The following NBPF3 variants were observed in gnomAD, a reference collection of about 807,000 sequenced individuals.
NBPF3 encodes NBPF member 3, also known as NBPF family member NBPF3.
NBPF3 carries 57 observed loss-of-function variants against 78.1 expected under a neutral mutation model. The ratio of observed to expected loss-of-function variants is 0.73; its 90% CI spans 0.59 to 0.91. The LOEUF (loss-of-function observed/expected upper bound fraction) is 0.91. Ranked by LOEUF, NBPF3 falls within the 40% of genes least tolerant of loss-of-function variation. The probability of loss-of-function intolerance (pLI) is 0.00; values close to 1 mark genes in which losing one functional copy is unlikely to be tolerated. For synonymous variants in NBPF3, 182 were observed against 271.7 expected (o/e 0.67, Z 3.25); for missense variants, 510 against 715.3 (o/e 0.71, Z 3.27).
chr1:21,479,450 T>C (rs1330498443), intron 10 of NBPF3, 50 bp downstream of exon 10: 32 of 1,530,958 alleles, frequency 2.1e-5, no homozygotes, highest in Non-Finnish European at 2.8e-5. Context: ...CACCTGGAGA[T>C]GCCAAGTCCG....
chr1:21,473,649 A>G, intron 7 of NBPF3, 64 bp downstream of exon 7: 1 of 1,356,526 alleles, frequency 7.4e-7, no homozygotes, highest in Non-Finnish European at 1.1e-6. Context: ...CTCTGAAGAC[A>G]GGCTCTATAC....
chr1:21,473,816 A>C (rs1202503636), intron 7 of NBPF3, among the ~76,000 whole-genome samples: 1 of 152,190 alleles, frequency 6.6e-6, no homozygotes, highest in African/African-American at 2.4e-5. Flanking sequence ...TAGTCACCTG[A>C]GTGCAGGAGG....
Position 21,484,703 on chromosome 1 carries a change from G to A in NBPF3, c.*1317G>A, listed in dbSNP as rs1065220. On this transcript the variant is annotated 3_prime_UTR_variant, in exon 15 of 15. Transcript: ENST00000318249. ...GTATTCCAGTGATCATCCTCTAAAC[G>A]TTTTATCATTTATTAATCATCCCTG... 3.2e-3 allele frequency: 205 copies of A among 63,854 alleles called. 36 individuals carry two copies. Among genetic ancestry groups the A allele is most frequent in the African/African-American group, 7.5e-3 (184 of 24,456 alleles). The allele number at this position is 63,854 out of a possible 1,614,324, so 4.0% of individuals were successfully genotyped here. A position where few individuals can be genotyped will look rare whatever the true frequency, so the allele number is the denominator to read the frequency against.
At chr1:21,455,466 C>A (rs1460811179) in intron 2 of NBPF3, among the ~76,000 whole-genome samples, 6 of 152,200 alleles carry the variant, frequency 3.9e-5, no homozygotes. Flanking sequence ...TAGAATAAAT[C>A]ATATCAGACT....
At chr1:21,453,954 C>T (rs1641454838) in intron 2 of NBPF3, 1 of 152,246 alleles carries the variant, frequency 6.6e-6, no homozygotes, top group African/African-American at 2.4e-5. Flanking sequence ...GGGAAATACT[C>T]AGAGCTTCTG....
intron 2 of NBPF3, among the ~76,000 whole-genome samples, chr1:21,464,322 G>A (rs1349844660): frequency 2.0e-5 from 3 of 152,192 alleles, no homozygotes; most frequent in Admixed American, 6.5e-5. Flanking sequence ...TAGAAAGGAT[G>A]AAACTTGAGA....
At chr1:21,463,373 G>A (rs1414037394) in intron 2 of NBPF3, among the ~76,000 whole-genome samples, 1 of 152,196 alleles carries the variant, frequency 6.6e-6, no homozygotes, top group Non-Finnish European at 1.5e-5. Flanking sequence ...AGTCCCCAGA[G>A]CTCTGTCACA....
chr1:21,460,629 A>G lies in NBPF3; in HGVS notation c.134-8059A>G, dbSNP rs1378359968. ...TTCATCATACACTGAAATTAACTTAAGATGTGAAAGTTAAAATTAGAAACC... is the reference window on the plus strand; with the variant it reads ...TTCATCATACACTGAAATTAACTTAGGATGTGAAAGTTAAAATTAGAAACC... On this transcript the variant is annotated intron_variant, in intron 2 of 14. Coordinates refer to ENST00000318249, the MANE Select transcript of NBPF3 (RefSeq NM_032264.6). The surrounding 1 kb of genome is among the most constrained non-coding windows in gnomAD (Gnocchi z 4.2). 6.6e-6 allele frequency among the ~76,000 whole-genome samples: 1 copy of G among 152,254 alleles called. No individual in the cohort carries two copies. Among genetic ancestry groups the G allele is most frequent in the African/African-American group, 2.4e-5 (1 of 41,462 alleles).
chr1:21,445,524 C>T (rs532284432), intron 2 of NBPF3, among the ~76,000 whole-genome samples: 64 of 149,922 alleles, frequency 4.3e-4, no homozygotes, highest in Admixed American at 8.6e-4. Context: ...TCTCACCCCC[C>T]ATTCTCTGCC....
chr1:21,438,860 C>G (rs1479675169), upstream of NBPF3, among the ~76,000 whole-genome samples: 1 of 152,236 alleles, frequency 6.6e-6, no homozygotes, highest in Admixed American at 6.5e-5. Context: ...CTAGTTTTAT[C>G]TGTTCTCCTG....
At position 21,471,697 on chromosome 1, in the gene NBPF3, C is replaced by T. The variant is rs140520346; in HGVS notation, c.575C>T (p.Pro192Leu). The T allele has an allele frequency of 1.9e-4, 306 of 1,613,498 alleles. 5 individuals carry two copies. Among genetic ancestry groups the T allele is most frequent in the African/African-American group, 1.9e-3 (142 of 74,970 alleles). ...CAGGCCCTCCTCACTCCGGATGAGC[C>T]GGACAACTCCCAGGGACGGGACCTC... Reference protein sequence around the residue: ...HLQALLTPDEPDNSQGRDLRE... With the variant: ...HLQALLTPDELDNSQGRDLRE... Residue 192 changes from proline to leucine, a missense_variant, in exon 5 of 15, where the codon CCG becomes CTG. Around this residue, in one of 5 missense-constraint regions of NBPF3, gnomAD observed 440 missense variants for 478.2 expected, o/e 0.92. Coordinates refer to ENST00000318249, the MANE Select transcript of NBPF3 (RefSeq NM_032264.6).
intron 9 of NBPF3, among the ~76,000 whole-genome samples, chr1:21,479,100 C>G (rs1490331139): frequency 6.6e-6 from 1 of 152,250 alleles, no homozygotes; most frequent in Non-Finnish European, 1.5e-5. Context: ...TTTGTGTACA[C>G]AAACCTAGGA....
At chr1:21,470,787 G>A in intron 4 of NBPF3, 53 bp downstream of exon 4, 1 of 1,231,896 alleles carries the variant, frequency 8.1e-7, no homozygotes, top group Non-Finnish European at 1.2e-6. Flanking sequence ...AATATCTGAA[G>A]TACAGCAGCT....
chr1:21,479,818 C>CTGTGTGTGTG (rs1297036233), intron 10 of NBPF3, among the ~76,000 whole-genome samples: 17 of 43,940 alleles, frequency 3.9e-4, no homozygotes, highest in African/African-American at 7.6e-4. Flanking sequence ...CTCTCTCTCT[C>CTGTGTGTGTG]TCTGTGTGTG....
rs144067865 is a variant in NBPF3, at chr1:21,451,421, A to G, written c.133+6202A>G. ...ATATTTTCCCCAAAGTGTTTATACT[A>G]TTGTACATTCCATGCATTAATGTAC... On this transcript the variant is annotated intron_variant, in intron 2 of 14. Coordinates refer to ENST00000318249, the MANE Select transcript of NBPF3 (RefSeq NM_032264.6). Among the ~76,000 whole-genome samples, 102 of 152,350 alleles carry G rather than the reference A, an allele frequency of 6.7e-4. 1 individual carries two copies. Among genetic ancestry groups the G allele is most frequent in the African/African-American group, 2.3e-3 (96 of 41,578 alleles).
chr1:21,445,253 G>A (rs755017338), intron 2 of NBPF3, 34 bp downstream of exon 2: 1 of 1,603,824 alleles, frequency 6.2e-7, no homozygotes, highest in South Asian at 1.1e-5. Flanking sequence ...GCTCGGTGGG[G>A]TCAGAGAGTC....
intron 2 of NBPF3, among the ~76,000 whole-genome samples, chr1:21,463,828 A>C (rs1349644278): frequency 2.6e-5 from 4 of 152,352 alleles, no homozygotes; most frequent in Middle Eastern, 3.4e-3. Flanking sequence ...GAAACACTCA[A>C]ATGGCCAAGA....
At chr1:21,471,288 CTT>C (rs1412852051) in intron 4 of NBPF3, among the ~76,000 whole-genome samples, 3 of 152,122 alleles carry the variant, frequency 2.0e-5, no homozygotes, top group Non-Finnish European at 4.4e-5. Flanking sequence ...GGATGGATGT[CTT>C]TTTGAAACTG....
chr1:21,445,121 G>A lies in NBPF3; in HGVS notation c.35G>A (p.Trp12Ter), dbSNP rs1558473774. Residue 12 changes from tryptophan (W) to a stop codon, truncating the protein, a stop_gained, in exon 2 of 15, where the codon TGG becomes TAG. Transcript: ENST00000318249. LOFTEE classifies it high-confidence loss of function. ...ACTCCCACTGTCCAGGGCTTCCAGT[G>A]GACTCTCCGAGGCCCTGATGTAGAA... ...PLTPTVQGFQ[W>*]TLRGPDVETS... The A allele has an allele frequency of 7.4e-6, 12 of 1,611,852 alleles. No homozygotes were observed. The highest frequency in any genetic ancestry group is 1.3e-5 in the African/African-American group (1 of 74,930).
Sources: allele counts gnomAD v4.1 joint callset (sites outside exome capture counted in the v4.1 genomes callset), GRCh38; gene constraint gnomAD v4.1.1; regional missense constraint gnomAD v4.1.1; non-coding constraint Gnocchi (gnomAD v3.1); transcripts MANE v1.5; gene names NCBI Gene and HGNC (gene_info 2026-07-23, HGNC 2026-07-21).